RGS12: variants seen among roughly 807,000 people sequenced by gnomAD.
RGS12 encodes the protein regulator of G protein signaling 12, also known as regulator of G-protein signaling 12.
A neutral mutation model predicts 120.1 loss-of-function variants in RGS12; 66 were observed. The ratio of observed to expected loss-of-function variants is 0.55; its 90% CI spans 0.45 to 0.67. RGS12 has a LOEUF of 0.67. Ranked by LOEUF, RGS12 falls within the 30% of genes least tolerant of loss-of-function variation. The pLI is 0.00. For synonymous variants in RGS12, 827 were observed against 804.7 expected (o/e 1.03, Z -0.47); for missense variants, 1,859 against 1,957.7 (o/e 0.95, Z 0.95).
At chr4:3,412,021 A>T (rs1721790607) in intron 4 of RGS12, among the ~76,000 whole-genome samples, 1 of 152,260 alleles carries the variant, frequency 6.6e-6, no homozygotes, top group Non-Finnish European at 1.5e-5. Flanking sequence ...TCTATAACAG[A>T]TCAACAGCAT....
chr4:3,375,091 C>T (rs976689864), intron 3 of RGS12, among the ~76,000 whole-genome samples: 1 of 152,196 alleles, frequency 6.6e-6, no homozygotes, highest in Non-Finnish European at 1.5e-5. Flanking sequence ...GCCAAGGGGG[C>T]TGCCAGGAGG....
At chr4:3,330,488 A>G (rs1553799252) in intron 2 of RGS12, among the ~76,000 whole-genome samples, 1 of 152,200 alleles carries the variant, frequency 6.6e-6, no homozygotes, top group Non-Finnish European at 1.5e-5. Flanking sequence ...CTGTACTAGA[A>G]GGGCGTGAAG....
rs569573948 is a variant in RGS12, at chr4:3,417,540, C to T, written c.2760C>T (p.Asp920=). ...QKKREHGDHA[D]DALHANGGLC... is the part of the protein sequence containing the mutation. ...AGAGGGAGCACGGGGACCACGCAGA[C>T]GGTTTGTGGGGTGGCTCCTGGGCTG... Residue 920 remains aspartate (D), a splice_region_variant and synonymous_variant, in exon 9 of 18, where the codon GAC becomes GAT. Coordinates refer to ENST00000336727, the MANE Select transcript of RGS12 (RefSeq NM_001394154.1). 27 of 1,612,496 alleles carry T rather than the reference C, an allele frequency of 1.7e-5. No homozygotes were observed. The East Asian group carries it at 3.1e-4, about 19-fold the overall frequency.
rs16844147 is a variant in RGS12, at chr4:3,316,146, C to G, written c.-25C>G. The G allele has an allele frequency of 0.051, 77,132 of 1,521,204 alleles. 2,205 individuals carry two copies. The highest frequency in any genetic ancestry group is 0.087 in the South Asian group (6,515 of 74,824). 94.2% of individuals were successfully genotyped at this position (1,521,204 alleles called of 1,614,324 possible). On this transcript the variant is annotated 5_prime_UTR_variant, in exon 2 of 18. Transcript: ENST00000336727. The stretch of plus-strand genomic sequence containing the variant: ...GGCTCCAAGGGAACAATGAGACGTG[C>G]TCTTGGTCTTGGAAGCTCATCAGAA...
intron 4 of RGS12, among the ~76,000 whole-genome samples, chr4:3,387,988 C>G (rs568665073): frequency 6.6e-6 from 1 of 152,216 alleles, no homozygotes; most frequent in African/African-American, 2.4e-5. Context: ...AGCTCCTCGC[C>G]GTGCTGGCTC....
chr4:3,288,985 C>T (rs1045215843), upstream of RGS12, among the ~76,000 whole-genome samples: 3 of 152,112 alleles, frequency 2.0e-5, no homozygotes, highest in Admixed American at 2.0e-4. This position sits in a 1 kb window ranked among gnomAD's most constrained non-coding sequence, Gnocchi z 5.2. Context: ...CCATTCCCTG[C>T]CCAGGAAGTG....
chr4:3,361,102 A>G (rs1459255095), intron 3 of RGS12, among the ~76,000 whole-genome samples: 2 of 151,954 alleles, frequency 1.3e-5, no homozygotes, highest in Admixed American at 1.3e-4. Flanking sequence ...GTAGAAGCTA[A>G]TGGACTATGG....
intron 2 of RGS12, among the ~76,000 whole-genome samples, chr4:3,341,969 T>C (rs1578773568): frequency 6.7e-6 from 1 of 150,272 alleles, no homozygotes; most frequent in East Asian, 2.0e-4. Flanking sequence ...CAGGCGGGAA[T>C]GGGTCTGAGG....
chr4:3,435,809 G>A (rs1480304513), intron 17 of RGS12, among the ~76,000 whole-genome samples: 5 of 152,124 alleles, frequency 3.3e-5, no homozygotes, highest in Non-Finnish European at 7.4e-5. Flanking sequence ...GAAGTCTCAG[G>A]CCTGCAAGTG....
chr4:3,332,035 C>A (rs1298810905), intron 2 of RGS12, among the ~76,000 whole-genome samples: 1 of 152,158 alleles, frequency 6.6e-6, no homozygotes, highest in Non-Finnish European at 1.5e-5. Context: ...TGGACAGAAG[C>A]CCCCACCGTC....
At chr4:3,361,987 T>TGGGAGCC (rs1156294147) in intron 3 of RGS12, among the ~76,000 whole-genome samples, 2 of 152,174 alleles carry the variant, frequency 1.3e-5, no homozygotes, top group Non-Finnish European at 1.5e-5. Flanking sequence ...AAGTCAGTGT[T>TGGGAGCC]GGGAGCCAGG....
chr4:3,331,419 A>T (rs948453408), intron 2 of RGS12, among the ~76,000 whole-genome samples: 1 of 152,218 alleles, frequency 6.6e-6, no homozygotes, highest in Non-Finnish European at 1.5e-5. Flanking sequence ...CCTTTGAAGG[A>T]AAAGTAAAAA....
intron 4 of RGS12, among the ~76,000 whole-genome samples, chr4:3,410,838 CT>C (rs1330084292): frequency 6.6e-6 from 1 of 152,208 alleles, no homozygotes; most frequent in African/African-American, 2.4e-5. Flanking sequence ...TTCTGTTTTC[CT>C]TTTGGCTTGT....
rs200477499 is a variant in RGS12, at chr4:3,430,536, C to G, written c.3695C>G (p.Pro1232Arg). 179 of 1,613,312 alleles carry G rather than the reference C, an allele frequency of 1.1e-4. No individual in the cohort carries two copies. Among genetic ancestry groups the G allele is most frequent in the Non-Finnish European group, 1.4e-4 (164 of 1,180,032 alleles). Residue 1232 changes from proline to arginine, a missense_variant, in exon 17 of 18, where the codon CCC becomes CGC. Pro to Arg is a moderately radical substitution (Grantham distance 103, BLOSUM62 -2). Transcript: ENST00000336727. The stretch of plus-strand genomic sequence containing the variant: ...CCTGGTTCCACAGAACTCACCCTCC[C>G]CACTCCAGCTGCTGTGGCCAAGGGC... Reference protein sequence around the residue: ...LPPGSTELTLPTPAAVAKGFS... With the variant: ...LPPGSTELTLRTPAAVAKGFS...
chr4:3,364,835 G>A (rs1250985433), intron 3 of RGS12, among the ~76,000 whole-genome samples: 2 of 152,074 alleles, frequency 1.3e-5, no homozygotes, highest in Non-Finnish European at 2.9e-5. Flanking sequence ...CTTGGCGGTC[G>A]CTGCCTGGGA....
chr4:3,388,197 AGG>A (rs1719063995), intron 4 of RGS12, among the ~76,000 whole-genome samples: 1 of 4,792 alleles, frequency 2.1e-4, no homozygotes, highest in African/African-American at 4.0e-3. Context: ...CCAGTCACAG[AGG>A]AGGAGACGGG....
intron 1 of RGS12, among the ~76,000 whole-genome samples, chr4:3,303,661 GC>G (rs1266011181): frequency 1.3e-5 from 2 of 152,110 alleles, no homozygotes; most frequent in African/African-American, 4.8e-5. Flanking sequence ...GCTTCCCCCC[GC>G]CCCACAGACC....
At chr4:3,364,737 A>G (rs1716120080) in intron 3 of RGS12, among the ~76,000 whole-genome samples, 1 of 151,926 alleles carries the variant, frequency 6.6e-6, no homozygotes, top group South Asian at 2.1e-4. Context: ...CTTTGGGTAA[A>G]TTTATTGCCG....
intron 1 of RGS12, among the ~76,000 whole-genome samples, chr4:3,295,177 G>A (rs1049312850): frequency 2.0e-5 from 3 of 152,190 alleles, no homozygotes; most frequent in African/African-American, 7.2e-5. Flanking sequence ...GACAGCTGGT[G>A]ACCCAGCCGG....
Sources: gnomAD v4.1 joint callset for allele counts (sites outside exome capture counted in the v4.1 genomes callset) on GRCh38, gnomAD v4.1.1 for gene constraint, Gnocchi (gnomAD v3.1) non-coding constraint, MANE v1.5 for transcripts, NCBI Gene and HGNC (gene_info 2026-07-23, HGNC 2026-07-21) for gene names.